GRID1: variants seen among roughly 807,000 people sequenced by gnomAD.
GRID1 encodes glutamate receptor ionotropic, delta-1.
In GRID1, 28 loss-of-function variants were observed where a neutral mutation model predicts 98.0. The ratio of observed to expected loss-of-function variants is 0.29; its 90% confidence interval spans 0.21 to 0.39. The LOEUF (loss-of-function observed/expected upper bound fraction) is 0.39. Ranked by LOEUF, GRID1 falls within the 10% of genes least tolerant of loss-of-function variation. The pLI is 1.00. For synonymous variants in GRID1, 553 were observed against 538.5 expected (o/e 1.03, Z -0.37); for missense variants, 1,111 against 1,340.5 (o/e 0.83, Z 2.67).
rs144437133 is a variant in GRID1 at position 85,812,687 on chromosome 10, G to A, written c.1233+41809C>T. On this transcript the variant is annotated intron_variant, in intron 8 of 15. Transcript: ENST00000327946. Reference sequence around the variant, plus strand: ...GACTCTAAAGTGTGAGGTAATGCAGGCAGATTGTGAATGAAAGTCAAAACT... The same window carrying A: ...GACTCTAAAGTGTGAGGTAATGCAGACAGATTGTGAATGAAAGTCAAAACT... Among the ~76,000 whole-genome samples, 7 of 151,602 alleles carry A rather than the reference G, an allele frequency of 4.6e-5. No individual in the cohort carries two copies. The East Asian group carries it at 1.4e-3, about 29-fold the overall frequency.
intron 8 of GRID1, among the ~76,000 whole-genome samples, chr10:85,766,533 G>C (rs1264087254): frequency 2.0e-5 from 3 of 152,112 alleles, no homozygotes. Context: ...CCAATGATAA[G>C]AAACCAAACA....
At chr10:86,227,742 C>A (rs1030457070) in intron 2 of GRID1, among the ~76,000 whole-genome samples, 2 of 152,116 alleles carry the variant, frequency 1.3e-5, no homozygotes, top group African/African-American at 4.8e-5. Context: ...TGGCTCCCCT[C>A]CCAAGGTGAG....
intron 4 of GRID1, among the ~76,000 whole-genome samples, chr10:86,076,632 G>A (rs1843885234): frequency 1.3e-5 from 2 of 152,192 alleles, no homozygotes; most frequent in Admixed American, 1.3e-4. Flanking sequence ...CAAGTTCAAA[G>A]GCAGTCCTCC....
intron 12 of GRID1, among the ~76,000 whole-genome samples, chr10:85,700,912 G>A (rs1000890295): frequency 3.9e-5 from 6 of 152,134 alleles, no homozygotes; most frequent in South Asian, 2.1e-4. Flanking sequence ...TATGGACAGG[G>A]TGGATTGCAA....
At chr10:85,735,863 AGG>A (rs1841875268) in intron 8 of GRID1, among the ~76,000 whole-genome samples, 2 of 144,372 alleles carry the variant, frequency 1.4e-5, no homozygotes, top group Non-Finnish European at 3.0e-5. Context: ...GAAGGAAGGA[AGG>A]AAGGAGAGAA....
chr10:86,329,234 A>T (rs1387185319), intron 2 of GRID1, among the ~76,000 whole-genome samples: 4 of 152,328 alleles, frequency 2.6e-5, no homozygotes, highest in African/African-American at 9.6e-5. Context: ...GACCACAGAC[A>T]TGCATGCTGC....
intron 8 of GRID1, among the ~76,000 whole-genome samples, chr10:85,853,265 C>T (rs1012705979): frequency 6.6e-6 from 1 of 152,220 alleles, no homozygotes; most frequent in African/African-American, 2.4e-5. Context: ...AGTACCCCAA[C>T]ATCATTTAGC....
At chr10:85,784,047 A>G (rs1383433825) in intron 8 of GRID1, among the ~76,000 whole-genome samples, 2 of 152,052 alleles carry the variant, frequency 1.3e-5, no homozygotes, top group East Asian at 3.9e-4. Flanking sequence ...TGATGTAACC[A>G]CTCTCCAACA....
chr10:85,786,895 C>T (rs1428935889), intron 8 of GRID1, among the ~76,000 whole-genome samples: 1 of 152,128 alleles, frequency 6.6e-6, no homozygotes, highest in Non-Finnish European at 1.5e-5. Context: ...GAGAAGCTTT[C>T]AACCTGAAAA....
At chr10:86,199,464 C>T (rs1156316422) in intron 3 of GRID1, among the ~76,000 whole-genome samples, 1 of 152,196 alleles carries the variant, frequency 6.6e-6, no homozygotes, top group African/African-American at 2.4e-5. Context: ...TTGCTCCCCA[C>T]AGCTTTGCCA....
chr10:85,781,534 G>T (rs58644872), intron 8 of GRID1, among the ~76,000 whole-genome samples: 14,452 of 152,204 alleles, frequency 0.095, 1,256 homozygotes, highest in African/African-American at 0.23. Flanking sequence ...TGCAAACGTG[G>T]TGGTTGAGAT....
chr10:86,238,133 CAAG>C (rs1846570370), intron 2 of GRID1, among the ~76,000 whole-genome samples: 1 of 152,204 alleles, frequency 6.6e-6, no homozygotes, highest in African/African-American at 2.4e-5. Context: ...GGGAAGAATT[CAAG>C]CAGGCTGCAG....
chr10:86,178,750 C>T, intron 3 of GRID1, among the ~76,000 whole-genome samples: 1 of 152,168 alleles, frequency 6.6e-6, no homozygotes, highest in Non-Finnish European at 1.5e-5. Flanking sequence ...ATTTCACTCC[C>T]CTCCCTGAAC....
At chr10:85,602,876 C>T (rs1033767618) in intron 15 of GRID1, among the ~76,000 whole-genome samples, 175 bp from the exon 16 acceptor site, 1 of 152,112 alleles carries the variant, frequency 6.6e-6, no homozygotes, top group Admixed American at 6.5e-5. Flanking sequence ...CCTCAGTTAT[C>T]TGGAGAAGCC....
At chr10:85,637,404 G>A (rs1843058605) in intron 13 of GRID1, among the ~76,000 whole-genome samples, 1 of 152,188 alleles carries the variant, frequency 6.6e-6, no homozygotes, top group Non-Finnish European at 1.5e-5. Context: ...GGACTGCAGA[G>A]TCAAAGCATG....
chr10:86,197,775 G>A (rs533570288), intron 3 of GRID1, among the ~76,000 whole-genome samples: 1 of 152,090 alleles, frequency 6.6e-6, no homozygotes, highest in East Asian at 1.9e-4. Context: ...GAGGGGTGAG[G>A]GAACTTCAGA....
intron 12 of GRID1, among the ~76,000 whole-genome samples, chr10:85,720,996 T>G (rs1841695481): frequency 6.6e-6 from 1 of 152,008 alleles, no homozygotes; most frequent in African/African-American, 2.4e-5. Context: ...ATGAAGAACT[T>G]TCAAAACTCA....
intron 2 of GRID1, among the ~76,000 whole-genome samples, chr10:86,243,839 G>T (rs187450576): frequency 5.3e-5 from 8 of 152,148 alleles, no homozygotes; most frequent in Non-Finnish European, 1.5e-5. Flanking sequence ...CAGATGTCAC[G>T]GCCGAGCAGG....
At position 86,353,683 on chromosome 10, in the gene GRID1, G is replaced by C. The variant is rs542573548; in HGVS notation, c.235+10258C>G. 3.9e-5 allele frequency among the ~76,000 whole-genome samples: 6 copies of C among 152,342 alleles called. No individual in the cohort carries two copies. The South Asian group carries it at 1.2e-3, about 32-fold the overall frequency. On this transcript the variant is annotated intron_variant, in intron 2 of 15. Transcript: ENST00000327946. ...GCTCCAGTTGGGGTTCTGTGATAAG[G>C]AGAGACCCACCCTCAGCTCTCCAGG...
Sources: allele counts gnomAD v4.1 joint callset (sites outside exome capture counted in the v4.1 genomes callset), GRCh38; gene constraint gnomAD v4.1.1; transcripts MANE v1.5; gene names NCBI Gene and HGNC (gene_info 2026-07-23, HGNC 2026-07-21).